The following SND1 variants were observed in gnomAD, a reference collection of about 807,000 sequenced individuals.
The protein encoded by SND1 is staphylococcal nuclease and tudor domain containing 1.
A neutral mutation model predicts 121.7 loss-of-function variants in SND1; 38 were observed. That is an observed-to-expected ratio of 0.31 (90% CI 0.24 to 0.41). The LOEUF is 0.41. SND1 is among the 10% of genes least tolerant of loss of function. The pLI is 1.00. For missense variants in SND1, 868 were observed against 1,184.6 expected (o/e 0.73, Z 3.92); for synonymous variants, 401 against 447.4 (o/e 0.90, Z 1.31).
chr7:128,056,734 G>A (rs1235881749), intron 16 of SND1, among the ~76,000 whole-genome samples: 2 of 152,150 alleles, frequency 1.3e-5, no homozygotes, highest in African/African-American at 2.4e-5. Flanking sequence ...GACCCTCAGT[G>A]GATGCCTCAA....
chr7:127,698,211 T>C (rs773430884), intron 3 of SND1, among the ~76,000 whole-genome samples: 2 of 152,188 alleles, frequency 1.3e-5, no homozygotes, highest in Non-Finnish European at 2.9e-5. Context: ...TGTCAAATGG[T>C]GTAGCTTGTC....
chr7:127,979,962 A>C (rs1389693420), intron 15 of SND1, among the ~76,000 whole-genome samples: 2 of 152,282 alleles, frequency 1.3e-5, no homozygotes, highest in East Asian at 3.9e-4. Context: ...AATAAGGCAA[A>C]TGCCATTCTT....
chr7:127,691,722 C>T (rs1241840318), intron 2 of SND1, among the ~76,000 whole-genome samples: 2 of 151,612 alleles, frequency 1.3e-5, no homozygotes, highest in Non-Finnish European at 2.9e-5. Flanking sequence ...AAGCAATTCT[C>T]CTGTCTCAGC....
At position 127,698,893 on chromosome 7, in the gene SND1, T is replaced by C; in HGVS notation, c.368T>C (p.Ile123Thr). ...YLGKDTNGEN[I>T]AESLVAEGLA... The stretch of plus-strand genomic sequence containing the variant: ...TCCTCAGATACCAATGGGGAAAACA[T>C]TGCAGAATCACTGGTTGCAGAGGGC... Residue 123 changes from isoleucine (I) to threonine (T), a missense_variant, in exon 4 of 24, where the codon ATT (isoleucine) becomes ACT (threonine). Coordinates refer to ENST00000354725, the MANE Select transcript of SND1 (RefSeq NM_014390.4). 1 of 1,613,772 alleles carries C rather than the reference T, an allele frequency of 6.2e-7. No homozygotes were observed. Among genetic ancestry groups the C allele is most frequent in the Non-Finnish European group, 8.5e-7 (1 of 1,179,732 alleles).
At chr7:127,926,009 C>T (rs530137773) in intron 14 of SND1, among the ~76,000 whole-genome samples, 116 of 151,922 alleles carry the variant, frequency 7.6e-4, no homozygotes, top group African/African-American at 2.2e-3. Flanking sequence ...CTTGCACTCT[C>T]TCTTTGGAAG....
At chr7:127,913,866 T>C (rs1800511667) in intron 14 of SND1, among the ~76,000 whole-genome samples, 1 of 152,218 alleles carries the variant, frequency 6.6e-6, no homozygotes, top group African/African-American at 2.4e-5. Flanking sequence ...GTAAGTAATT[T>C]CACTAACATA....
At chr7:127,944,457 G>A (rs182790528) in intron 15 of SND1, among the ~76,000 whole-genome samples, 18 of 152,276 alleles carry the variant, frequency 1.2e-4, no homozygotes, top group Admixed American at 9.2e-4. Context: ...CTATTGTGGC[G>A]CCTGCTCAAT....
At chr7:127,847,763 T>C (rs1799093828) in intron 12 of SND1, among the ~76,000 whole-genome samples, 2 of 152,234 alleles carry the variant, frequency 1.3e-5, no homozygotes, top group Non-Finnish European at 2.9e-5. Flanking sequence ...TAGATGCCAA[T>C]AATATGGCAC....
chr7:127,731,565 T>A (rs1259156579), intron 10 of SND1, among the ~76,000 whole-genome samples: 1 of 152,120 alleles, frequency 6.6e-6, no homozygotes, highest in African/African-American at 2.4e-5. Flanking sequence ...TTTTTGGCTT[T>A]ACCTTCCTTC....
chr7:127,964,687 G>C (rs922199328), intron 15 of SND1, among the ~76,000 whole-genome samples: 1 of 150,820 alleles, frequency 6.6e-6, no homozygotes. Flanking sequence ...GTCAGGTAGC[G>C]TGATGCCTCC....
intron 17 of SND1, among the ~76,000 whole-genome samples, chr7:128,078,047 G>A (rs74879676): frequency 0.019 from 2,877 of 152,340 alleles, 45 homozygotes; most frequent in South Asian, 0.039. Flanking sequence ...GATGGCTGTG[G>A]AAAGTGGCTG....
intron 10 of SND1, among the ~76,000 whole-genome samples, chr7:127,775,992 A>G (rs1391798556): frequency 1.3e-5 from 2 of 152,184 alleles, no homozygotes; most frequent in Non-Finnish European, 2.9e-5. Flanking sequence ...TTCACACATC[A>G]TGAAATACCC....
chr7:128,058,240 G>A (rs886107548), intron 16 of SND1, among the ~76,000 whole-genome samples: 4 of 152,258 alleles, frequency 2.6e-5, no homozygotes, highest in Admixed American at 1.3e-4. Context: ...CTCAACATAC[G>A]TTTCTATTCT....
intron 13 of SND1, among the ~76,000 whole-genome samples, chr7:127,890,789 T>A (rs1386343833): frequency 2.0e-5 from 3 of 152,154 alleles, no homozygotes; most frequent in Non-Finnish European, 4.4e-5. Context: ...TTTAGTCTAG[T>A]GCTTATTTTG....
intron 12 of SND1, chr7:127,858,593 G>GC (rs1370471273): frequency 5.8e-6 from 2 of 346,642 alleles, no homozygotes; most frequent in Non-Finnish European, 1.1e-5. Context: ...TGGTCCAGTT[G>GC]CTAATGGACT....
intron 16 of SND1, among the ~76,000 whole-genome samples, chr7:127,995,709 T>C (rs1236289778): frequency 1.3e-5 from 2 of 152,176 alleles, no homozygotes; most frequent in East Asian, 3.9e-4. Context: ...CAGCACATAC[T>C]CACTGACCAG....
chr7:127,774,565 A>ATATCATTTTT lies in SND1; in HGVS notation c.1153-32907_1153-32898dup, dbSNP rs1247493233. ...GTCACGGTAAGTGCACCATACAAGC[A>ATATCATTTTT]TATCATTTTTTATCATTTTTTTTTT... On this transcript the variant is annotated intron_variant, in intron 10 of 23. Transcript: ENST00000354725. 9.2e-5 allele frequency among the ~76,000 whole-genome samples: 14 copies of ATATCATTTTT among 151,610 alleles called. No homozygotes were observed. In the East Asian group the frequency reaches 2.7e-3, roughly 29 times the overall value.
At chr7:127,715,683 G>A (rs992373033) in intron 9 of SND1, among the ~76,000 whole-genome samples, 2 of 152,016 alleles carry the variant, frequency 1.3e-5, no homozygotes, top group East Asian at 3.9e-4. Context: ...CTCCTATTTT[G>A]TCAGTTGCCT....
At chr7:127,794,784 G>A (rs955509386) in intron 10 of SND1, among the ~76,000 whole-genome samples, 7 of 152,174 alleles carry the variant, frequency 4.6e-5, no homozygotes, top group South Asian at 2.1e-4. Context: ...ATTTTTAGCC[G>A]GGGTATGAAC....
Sources: gnomAD v4.1 joint callset for allele counts (sites outside exome capture counted in the v4.1 genomes callset) on GRCh38, gnomAD v4.1.1 for gene constraint, MANE v1.5 for transcripts, NCBI Gene and HGNC (gene_info 2026-07-23, HGNC 2026-07-21) for gene names.